Variants in ERBB4 observed in about 807,000 individuals in gnomAD.
ERBB4 encodes receptor tyrosine-protein kinase erbB-4.
Under a neutral mutation model 158.0 loss-of-function variants are expected in ERBB4, and 42 were observed. The observed-to-expected ratio is 0.27, with a 90% confidence interval of 0.21 to 0.34. The LOEUF is 0.34. Ranked by LOEUF, ERBB4 falls within the 10% of genes least tolerant of loss-of-function variation. The pLI, the probability that ERBB4 is intolerant of heterozygous loss-of-function variation, is 1.00. For synonymous variants in ERBB4, 583 were observed against 558.7 expected (o/e 1.04, Z -0.61); for missense variants, 1,333 against 1,624.1 (o/e 0.82, Z 3.08).
At chr2:211,759,453 C>T (rs1473813426) in intron 4 of ERBB4, among the ~76,000 whole-genome samples, 5 of 152,130 alleles carry the variant, frequency 3.3e-5, no homozygotes, top group African/African-American at 7.2e-5. Flanking sequence ...ACCTACAACA[C>T]GTAGCCCTCT....
At chr2:212,367,433 C>T (rs555970536) in intron 1 of ERBB4, among the ~76,000 whole-genome samples, 2 of 152,106 alleles carry the variant, frequency 1.3e-5, no homozygotes, top group African/African-American at 4.8e-5. Flanking sequence ...ATATGAAAAT[C>T]AACTCAAGAT....
intron 1 of ERBB4, among the ~76,000 whole-genome samples, chr2:212,297,314 G>A (rs1025673420): frequency 6.6e-5 from 10 of 151,894 alleles, no homozygotes; most frequent in African/African-American, 2.4e-4. Context: ...CACTTCATTG[G>A]AACAAAGAAC....
At chr2:212,155,335 A>C (rs2081003002) in intron 1 of ERBB4, among the ~76,000 whole-genome samples, 1 of 148,064 alleles carries the variant, frequency 6.8e-6, no homozygotes, top group South Asian at 2.2e-4. Context: ...GAATGTTGAC[A>C]CAAGGATAAT....
At chr2:212,530,824 A>G (rs7598055) in intron 1 of ERBB4, among the ~76,000 whole-genome samples, 1,965 of 152,322 alleles carry the variant, frequency 0.013, 43 homozygotes, top group African/African-American at 0.045. Context: ...TTAGCAGGTG[A>G]AACCGATTGT....
intron 1 of ERBB4, among the ~76,000 whole-genome samples, chr2:212,164,471 G>T (rs910217710): frequency 1.3e-5 from 2 of 151,784 alleles, no homozygotes; most frequent in African/African-American, 4.8e-5. Context: ...TAATGTAGAG[G>T]TTTCTCACCT....
chr2:211,888,395 T>C (rs182981217), intron 3 of ERBB4, among the ~76,000 whole-genome samples: 7 of 152,370 alleles, frequency 4.6e-5, no homozygotes, highest in African/African-American at 1.7e-4. Flanking sequence ...CTTATGATTA[T>C]ATATTTCACA....
At chr2:212,351,677 T>G (rs527874250) in intron 1 of ERBB4, among the ~76,000 whole-genome samples, 35 of 152,284 alleles carry the variant, frequency 2.3e-4, no homozygotes, top group African/African-American at 6.5e-4. Context: ...GTTTCAAGTG[T>G]TTAATAACCA....
At chr2:212,215,415 T>C (rs2105937333) in intron 1 of ERBB4, among the ~76,000 whole-genome samples, 1 of 151,632 alleles carries the variant, frequency 6.6e-6, no homozygotes, top group Non-Finnish European at 1.5e-5. Flanking sequence ...TTGCCATTTT[T>C]CATCATAAAA....
At chr2:212,277,975 T>C (rs988160106) in intron 1 of ERBB4, among the ~76,000 whole-genome samples, 4 of 151,764 alleles carry the variant, frequency 2.6e-5, no homozygotes, top group African/African-American at 9.7e-5. Flanking sequence ...ATGGCCTTTC[T>C]TCACTCCGGA....
At chr2:211,694,478 AG>A (rs1455667960) in intron 12 of ERBB4, among the ~76,000 whole-genome samples, 1 of 152,180 alleles carries the variant, frequency 6.6e-6, no homozygotes, top group Non-Finnish European at 1.5e-5. Context: ...CCTTTTGATA[AG>A]AACATAGTGA....
chr2:212,505,237 G>C (rs930797337), intron 1 of ERBB4, among the ~76,000 whole-genome samples: 1 of 151,980 alleles, frequency 6.6e-6, no homozygotes, highest in Admixed American at 6.6e-5. Context: ...GCGGGGATTA[G>C]AGACACACAC....
intron 1 of ERBB4, among the ~76,000 whole-genome samples, chr2:212,310,014 G>A (rs1351536478): frequency 6.6e-6 from 1 of 150,466 alleles, no homozygotes; most frequent in East Asian, 2.0e-4. Flanking sequence ...AAATGTTAAG[G>A]TATAATGTAA....
In ERBB4 at chr2:212,372,524, C is replaced by T. The variant is rs921786470; in HGVS notation, c.82+165925G>A. Among the ~76,000 whole-genome samples, 10 of 151,750 alleles carry T rather than the reference C, an allele frequency of 6.6e-5. 1 individual carries two copies. The highest frequency in any genetic ancestry group is 1.7e-4 in the African/African-American group (7 of 41,296). On this transcript the variant is annotated intron_variant, in intron 1 of 27. Coordinates refer to ENST00000342788, the MANE Select transcript of ERBB4 (RefSeq NM_005235.3). ...CAGCACTTTGGGAGGTTGAGGCGGG[C>T]GGATCACAAATTCAAGAGATCAAGA...
At chr2:211,594,105 G>C (rs73077002) in intron 19 of ERBB4, among the ~76,000 whole-genome samples, 262 of 151,986 alleles carry the variant, frequency 1.7e-3, no homozygotes, top group African/African-American at 6.1e-3. Flanking sequence ...ATCCTTCTTG[G>C]TGGAACCCAA....
At chr2:212,530,441 G>A (rs565466314) in intron 1 of ERBB4, among the ~76,000 whole-genome samples, 1 of 152,222 alleles carries the variant, frequency 6.6e-6, no homozygotes, top group East Asian at 1.9e-4. Flanking sequence ...TACAGAGAAG[G>A]ACAGGAAATA....
chr2:211,738,757 C>A (rs543917921), intron 5 of ERBB4, among the ~76,000 whole-genome samples: 1 of 151,660 alleles, frequency 6.6e-6, no homozygotes, highest in East Asian at 1.9e-4. Flanking sequence ...ACCTCTGCCT[C>A]CTGGGTTCAA....
At chr2:211,575,158 G>A (rs1048585188) in intron 19 of ERBB4, among the ~76,000 whole-genome samples, 1 of 152,186 alleles carries the variant, frequency 6.6e-6, no homozygotes, top group Non-Finnish European at 1.5e-5. Flanking sequence ...CTCTGCAGGA[G>A]CTATTCATGT....
chr2:211,429,634 A>G lies in ERBB4; in HGVS notation c.2644-1151T>C, dbSNP rs146512291. ...TCTACTTTGCAGTTGAAAGCTTAAA[A>G]CTAAATAGGCCTTTGAAATCATGAG... On this transcript the variant is annotated intron_variant, in intron 21 of 27. Transcript: ENST00000342788. 2.8e-3 allele frequency among the ~76,000 whole-genome samples: 434 copies of G among 152,308 alleles called. 2 individuals carry two copies. Among genetic ancestry groups the G allele is most frequent in the African/African-American group, 0.01 (419 of 41,570 alleles).
chr2:212,326,446 T>A (rs1175388610), intron 1 of ERBB4, among the ~76,000 whole-genome samples: 1 of 150,628 alleles, frequency 6.6e-6, no homozygotes, highest in Non-Finnish European at 1.5e-5. Flanking sequence ...TGGCCAAATA[T>A]TTGGTGAATT....
Sources: gnomAD v4.1 joint callset for allele counts (sites outside exome capture counted in the v4.1 genomes callset) on GRCh38, gnomAD v4.1.1 for gene constraint, MANE v1.5 for transcripts, NCBI Gene and HGNC (gene_info 2026-07-23, HGNC 2026-07-21) for gene names.